Variants in KCNT2 observed in about 807,000 individuals in gnomAD.
KCNT2 encodes the protein potassium channel subfamily T member 2.
Under a neutral mutation model 153.8 loss-of-function variants are expected in KCNT2, and 67 were observed. The ratio of observed to expected loss-of-function variants is 0.44; its 90% CI spans 0.36 to 0.53. KCNT2 has a LOEUF of 0.53. Ranked by LOEUF, KCNT2 falls within the 20% of genes least tolerant of loss-of-function variation. The pLI, the probability that KCNT2 is intolerant of heterozygous loss-of-function variation, is 0.00. For missense variants in KCNT2, 975 were observed against 1,354.8 expected, an observed-to-expected ratio of 0.72 and a Z score of 4.40; for synonymous variants, 500 against 458.8, an observed-to-expected ratio of 1.09 and a Z score of -1.15.
At chr1:196,585,486 C>A (rs916538955) in intron 1 of KCNT2, among the ~76,000 whole-genome samples, 8 of 151,974 alleles carry the variant, frequency 5.3e-5, no homozygotes, top group Non-Finnish European at 1.2e-4. Context: ...CTAATGAATT[C>A]TCTTTGTCAT....
chr1:196,347,629 A>T (rs1418807180), intron 14 of KCNT2, among the ~76,000 whole-genome samples: 1 of 152,184 alleles, frequency 6.6e-6, no homozygotes, highest in East Asian at 1.9e-4. Flanking sequence ...TCCTTCTTCC[A>T]TCTGATAAAG....
At chr1:196,592,772 G>A (rs1572919886) in intron 1 of KCNT2, among the ~76,000 whole-genome samples, 2 of 147,166 alleles carry the variant, frequency 1.4e-5, no homozygotes, top group South Asian at 4.2e-4. Flanking sequence ...CCTAGTATTT[G>A]ATAACACAAG....
chr1:196,264,120 T>C (rs1195936250), intron 25 of KCNT2, among the ~76,000 whole-genome samples: 8 of 152,226 alleles, frequency 5.3e-5, no homozygotes, highest in Non-Finnish European at 1.2e-4. Context: ...AAGGCTTCAA[T>C]TTCTTAATGC....
At chr1:196,511,716 T>C (rs1200118556) in intron 1 of KCNT2, among the ~76,000 whole-genome samples, 2 of 152,138 alleles carry the variant, frequency 1.3e-5, no homozygotes, top group East Asian at 3.9e-4. Context: ...CATATCATCT[T>C]TCCTCTGTGC....
chr1:196,305,748 A>G (rs1369585672), intron 21 of KCNT2, among the ~76,000 whole-genome samples: 1 of 152,152 alleles, frequency 6.6e-6, no homozygotes, highest in East Asian at 1.9e-4. Context: ...CTTGTCTACT[A>G]TGTGAGCTCT....
intron 8 of KCNT2, among the ~76,000 whole-genome samples, chr1:196,461,784 A>G (rs1269286506): frequency 2.0e-5 from 3 of 151,710 alleles, no homozygotes; most frequent in Non-Finnish European, 4.4e-5. Flanking sequence ...AACAATTCTG[A>G]GCACATTTCC....
intron 1 of KCNT2, among the ~76,000 whole-genome samples, chr1:196,520,128 C>T (rs550728857): frequency 2.0e-5 from 3 of 152,070 alleles, no homozygotes; most frequent in Non-Finnish European, 4.4e-5. Flanking sequence ...AGGCTTTATC[C>T]CTGGGATTCA....
chr1:196,303,744 T>A (rs747295980), intron 22 of KCNT2, among the ~76,000 whole-genome samples: 22 of 152,272 alleles, frequency 1.4e-4, no homozygotes, highest in South Asian at 6.2e-4. Flanking sequence ...AAATAATTTA[T>A]CCAGTTTCCA....
intron 26 of KCNT2, among the ~76,000 whole-genome samples, chr1:196,254,036 C>T (rs1258484817): frequency 6.6e-6 from 1 of 151,370 alleles, no homozygotes; most frequent in Non-Finnish European, 1.5e-5. Context: ...TGATACAACT[C>T]TATAAAGTAA....
chr1:196,316,070 A>G, intron 20 of KCNT2, 44 bp from the exon 21 acceptor site: 1 of 1,570,374 alleles, frequency 6.4e-7, no homozygotes, highest in Non-Finnish European at 8.7e-7. Context: ...TAAATAAATC[A>G]CAATGTTATA....
chr1:196,332,785 G>GT (rs549603960), intron 17 of KCNT2, among the ~76,000 whole-genome samples: 22,962 of 136,398 alleles, frequency 0.17, 2,109 homozygotes, highest in African/African-American at 0.25. Context: ...TTATTGGCTA[G>GT]TTTTTTTTTT....
rs61819866 is a variant in KCNT2, at chr1:196,566,194, T to C, written c.95+42021A>G. On this transcript the variant is annotated intron_variant, in intron 1 of 27. Transcript: ENST00000294725. ...CCTTTATTGCCAAGGAGAGTGAGAC[T>C]ATTTCTGGGTCAAATTTTATCAGAT... 3.9e-3 allele frequency among the ~76,000 whole-genome samples: 595 copies of C among 152,114 alleles called. 2 individuals are homozygous for C. Among genetic ancestry groups the C allele is most frequent in the Non-Finnish European group, 6.7e-3 (452 of 67,882 alleles).
At chr1:196,320,873 T>C (rs1326969637) in intron 19 of KCNT2, among the ~76,000 whole-genome samples, 1 of 151,832 alleles carries the variant, frequency 6.6e-6, no homozygotes, top group African/African-American at 2.4e-5. Context: ...ATTTTGTAAG[T>C]TATTTTCACT....
chr1:196,270,782 G>T (rs1288537264), intron 25 of KCNT2, among the ~76,000 whole-genome samples: 1 of 151,764 alleles, frequency 6.6e-6, no homozygotes, highest in Non-Finnish European at 1.5e-5. Context: ...TATAAGGTAA[G>T]CCAGTTACTG....
At position 196,568,708 on chromosome 1, in the gene KCNT2, C is replaced by T. The variant is rs559053566; in HGVS notation, c.95+39507G>A. 3.3e-5 allele frequency among the ~76,000 whole-genome samples: 5 copies of T among 151,664 alleles called. No individual in the cohort carries two copies. In the South Asian group the frequency reaches 1.0e-3, roughly 32 times the overall value. ...TCACCTCCTGCTGTGTGGCGCTGTT[C>T]CTAACAGGCCACAGACCAGTATTGG... On this transcript the variant is annotated intron_variant, in intron 1 of 27. Coordinates refer to ENST00000294725, the MANE Select transcript of KCNT2 (RefSeq NM_198503.5).
At chr1:196,251,385 T>C (rs1222000703) in intron 26 of KCNT2, among the ~76,000 whole-genome samples, 2 of 152,094 alleles carry the variant, frequency 1.3e-5, no homozygotes, top group Admixed American at 1.3e-4. Context: ...TTTAGCAGTG[T>C]GTTTTTTGTT....
At chr1:196,567,923 C>T (rs1660303635) in intron 1 of KCNT2, among the ~76,000 whole-genome samples, 2 of 152,270 alleles carry the variant, frequency 1.3e-5, no homozygotes, top group East Asian at 1.9e-4. Context: ...AATTTATGTG[C>T]TTGGGGTCTT....
In KCNT2 at chr1:196,315,942, T is replaced by C. The variant is rs1418056171; in HGVS notation, c.2433A>G (p.Glu811=). Residue 811 remains glutamate, a synonymous_variant, in exon 21 of 28, where the codon GAA becomes GAG. Transcript: ENST00000294725. ...VDKESTMSAE[E]DYMADAKTIV... Reference sequence around the variant, plus strand: ...TGGTTTTGGCATCTGCCATGTAGTCTTCCTCGGCACTCATGGTGCTCTCTT... The same window carrying C: ...TGGTTTTGGCATCTGCCATGTAGTCCTCCTCGGCACTCATGGTGCTCTCTT... The C allele has an allele frequency of 6.2e-7, 1 of 1,610,156 alleles. No individual in the cohort carries two copies. Among genetic ancestry groups the C allele is most frequent in the Admixed American group, 1.7e-5 (1 of 59,664 alleles).
At chr1:196,333,770 G>T in intron 17 of KCNT2, 77 bp downstream of exon 17, 1 of 807,770 alleles carries the variant, frequency 1.2e-6, no homozygotes, top group Non-Finnish European at 2.1e-6. Context: ...TACCTATTGG[G>T]AAGGTATGTA....
Sources: allele counts gnomAD v4.1 joint callset (sites outside exome capture counted in the v4.1 genomes callset), GRCh38; gene constraint gnomAD v4.1.1; transcripts MANE v1.5; gene names NCBI Gene and HGNC (gene_info 2026-07-23, HGNC 2026-07-21).